LRRC4C: variants seen among roughly 807,000 people sequenced by gnomAD.
LRRC4C encodes the protein leucine rich repeat containing 4C, also known as leucine-rich repeat-containing protein 4C.
Under a neutral mutation model 33.6 loss-of-function variants are expected in LRRC4C, and 5 were observed. The observed-to-expected ratio is 0.15, with a 90% CI of 0.08 to 0.31. The LOEUF (loss-of-function observed/expected upper bound fraction) is 0.31. Among genes scored for constraint, LRRC4C ranks in the 10% least tolerant of loss-of-function variants. The probability of loss-of-function intolerance (pLI) is 1.00; values close to 1 mark genes in which losing one functional copy is unlikely to be tolerated. For synonymous variants in LRRC4C, 329 were observed against 302.0 expected, an observed-to-expected ratio of 1.09 and a Z score of -0.93; for missense variants, 560 against 796.7, an observed-to-expected ratio of 0.70 and a Z score of 3.58.
At chr11:40,197,406 A>G (rs1862349563) in intron 5 of LRRC4C, among the ~76,000 whole-genome samples, 1 of 152,222 alleles carries the variant, frequency 6.6e-6, no homozygotes, top group Admixed American at 6.5e-5. Flanking sequence ...TCAGCTGCAC[A>G]TATTAATCTT....
At chr11:40,580,898 A>C (rs7124249) in intron 3 of LRRC4C, among the ~76,000 whole-genome samples, 40,277 of 152,146 alleles carry the variant, frequency 0.26, 5,496 homozygotes, top group Middle Eastern at 0.36. Flanking sequence ...GCTACCATGG[A>C]CTCAGTAATA....
intron 1 of LRRC4C, among the ~76,000 whole-genome samples, chr11:41,149,667 A>C (rs889952494): frequency 1.3e-5 from 2 of 152,116 alleles, no homozygotes; most frequent in Admixed American, 6.6e-5. Flanking sequence ...AAGAAGGGAG[A>C]ACAGTGTAGT....
At chr11:41,123,579 T>C (rs2135784915) in intron 1 of LRRC4C, among the ~76,000 whole-genome samples, 1 of 152,202 alleles carries the variant, frequency 6.6e-6, no homozygotes, top group South Asian at 2.1e-4. Flanking sequence ...GCCTTTTTTT[T>C]CTTTTTTTAA....
chr11:41,124,120 A>T (rs1942617641), intron 1 of LRRC4C, among the ~76,000 whole-genome samples: 1 of 152,336 alleles, frequency 6.6e-6, no homozygotes, highest in African/African-American at 2.4e-5. Context: ...TGATGATGAG[A>T]AACATCTTAT....
At chr11:40,616,096 G>A (rs1961793171) in intron 3 of LRRC4C, among the ~76,000 whole-genome samples, 2 of 151,890 alleles carry the variant, frequency 1.3e-5, no homozygotes, top group African/African-American at 2.4e-5. Flanking sequence ...AAAAGTGGCT[G>A]AAGGATATGA....
chr11:40,890,047 G>A (rs1955631267), intron 2 of LRRC4C, among the ~76,000 whole-genome samples: 1 of 152,022 alleles, frequency 6.6e-6, no homozygotes, highest in African/African-American at 2.4e-5. Context: ...AATCTGTCAG[G>A]TGGTCTCCAT....
In LRRC4C at chr11:41,084,620, G is replaced by A. The variant is rs1001098262; in HGVS notation, c.-495-150897C>T. Reference sequence around the variant, plus strand: ...TCACAGCACTTTGGGAGGCCGAGGCGGGTGGATCACCTGAGGTCAGGAATT... The same window carrying A: ...TCACAGCACTTTGGGAGGCCGAGGCAGGTGGATCACCTGAGGTCAGGAATT... On this transcript the variant is annotated intron_variant, in intron 1 of 6. Coordinates refer to ENST00000528697, the MANE Select transcript of LRRC4C (RefSeq NM_001258419.2). Among the ~76,000 whole-genome samples the A allele has an allele frequency of 3.3e-5, 5 of 152,160 alleles. No homozygotes were observed. In the East Asian group the frequency reaches 5.8e-4, roughly 18 times the overall value.
At chr11:40,767,815 G>T (rs1360820353) in intron 2 of LRRC4C, among the ~76,000 whole-genome samples, 2 of 151,846 alleles carry the variant, frequency 1.3e-5, no homozygotes, top group Non-Finnish European at 2.9e-5. Flanking sequence ...GTGATTCAAT[G>T]CATTTATTAC....
At chr11:41,170,032 A>G (rs1306524035) in intron 1 of LRRC4C, among the ~76,000 whole-genome samples, 1 of 152,146 alleles carries the variant, frequency 6.6e-6, no homozygotes, top group African/African-American at 2.4e-5. Flanking sequence ...AATGTGATGA[A>G]GGATAAATAT....
At chr11:41,118,668 C>T (rs549991055) in intron 1 of LRRC4C, among the ~76,000 whole-genome samples, 2 of 152,278 alleles carry the variant, frequency 1.3e-5, no homozygotes, top group South Asian at 4.1e-4. Flanking sequence ...ATCAGTCTCC[C>T]CACCTCCAAT....
rs1954340715 is a variant in LRRC4C, at chr11:40,865,914, A to G, written c.-407+67721T>C. 2.0e-5 allele frequency among the ~76,000 whole-genome samples: 3 copies of G among 152,106 alleles called. No individual in the cohort carries two copies. The South Asian group carries it at 6.2e-4, about 32-fold the overall frequency. On this transcript the variant is annotated intron_variant, in intron 2 of 6. Coordinates refer to ENST00000528697, the MANE Select transcript of LRRC4C (RefSeq NM_001258419.2). Reference sequence around the variant, plus strand: ...GCACTTTTCCCGAAGAGTGAAAACTATGTTCAATATGAGTTTGAAAAAAAA... The same window carrying G: ...GCACTTTTCCCGAAGAGTGAAAACTGTGTTCAATATGAGTTTGAAAAAAAA...
chr11:40,321,693 G>A (rs1385661513), intron 3 of LRRC4C, among the ~76,000 whole-genome samples: 1 of 152,152 alleles, frequency 6.6e-6, no homozygotes, highest in Non-Finnish European at 1.5e-5. Flanking sequence ...TTCAATTGAA[G>A]TAGATTCTAT....
intron 5 of LRRC4C, among the ~76,000 whole-genome samples, chr11:40,183,456 G>A (rs1056967753): frequency 1.3e-5 from 2 of 152,170 alleles, no homozygotes; most frequent in African/African-American, 4.8e-5. Context: ...TGCTCTTCCT[G>A]TAACAGTCAC....
intron 3 of LRRC4C, among the ~76,000 whole-genome samples, chr11:40,373,293 C>T (rs1225706222): frequency 6.6e-6 from 1 of 151,942 alleles, no homozygotes; most frequent in African/African-American, 2.4e-5. Flanking sequence ...GTACAAGAAA[C>T]ATTGACCACA....
rs118075169 is a variant in LRRC4C, at chr11:40,257,932, T to C, written c.-175-16334A>G. Among the ~76,000 whole-genome samples, 8 of 152,306 alleles carry C rather than the reference T, an allele frequency of 5.3e-5. No individual in the cohort carries two copies. The East Asian group carries it at 1.5e-3, about 29-fold the overall frequency. ...AATTTACTTACTTTAAAAGGCAGTA[T>C]AGATAACTATTGCTAACGGCTATAA... is the stretch of plus-strand genomic sequence containing the variant. On this transcript the variant is annotated intron_variant, in intron 4 of 6. Coordinates refer to ENST00000528697, the MANE Select transcript of LRRC4C (RefSeq NM_001258419.2).
At chr11:40,529,597 T>A (rs1053512959) in intron 3 of LRRC4C, among the ~76,000 whole-genome samples, 1 of 152,156 alleles carries the variant, frequency 6.6e-6, no homozygotes, top group African/African-American at 2.4e-5. Flanking sequence ...GTACATTTAT[T>A]CAGCAGAATG....
chr11:40,649,871 G>T (rs1382439320), intron 2 of LRRC4C, among the ~76,000 whole-genome samples: 1 of 152,110 alleles, frequency 6.6e-6, no homozygotes, highest in Non-Finnish European at 1.5e-5. Context: ...TCCATTCAGG[G>T]TCCCTGACTT....
chr11:40,798,498 A>G (rs1013840044), intron 2 of LRRC4C, among the ~76,000 whole-genome samples: 8 of 152,140 alleles, frequency 5.3e-5, no homozygotes, highest in Admixed American at 5.2e-4. Flanking sequence ...TTCTCCATTT[A>G]TGTTGCCTAA....
Position 40,216,216 on chromosome 11 carries a change from G to A in LRRC4C, c.-96+25303C>T, listed in dbSNP as rs1863968680. On this transcript the variant is annotated intron_variant, in intron 5 of 6. Transcript: ENST00000528697. ...TACTTGGGGTAAAGTTTTTATGTAA[G>A]TTTAAAAATGTAGTCTTCATCTCCT... Among the ~76,000 whole-genome samples the A allele has an allele frequency of 6.6e-5, 10 of 152,152 alleles. No homozygotes were observed. The South Asian group carries it at 2.1e-3, about 32-fold the overall frequency.
Sources: allele counts gnomAD v4.1 joint callset (sites outside exome capture counted in the v4.1 genomes callset), GRCh38; gene constraint gnomAD v4.1.1; transcripts MANE v1.5; gene names NCBI Gene and HGNC (gene_info 2026-07-23, HGNC 2026-07-21).